Variants in FCF1 observed in about 807,000 individuals in gnomAD.
FCF1 encodes FCF1 rRNA-processing protein.
In FCF1, 17 loss-of-function variants were observed where a neutral mutation model predicts 32.5. The observed-to-expected ratio is 0.52, with a 90% CI of 0.36 to 0.78. The LOEUF (loss-of-function observed/expected upper bound fraction) is 0.78, where lower values mean the gene tolerates loss of function less well. FCF1 is among the 30% of genes least tolerant of loss of function. FCF1 has a pLI of 0.00. For missense variants in FCF1, 201 were observed against 241.1 expected, an observed-to-expected ratio of 0.83 and a Z score of 1.10; for synonymous variants, 84 against 78.4, an observed-to-expected ratio of 1.07 and a Z score of -0.38.
chr14:74,722,214 A>AT (rs1233100377), intron 4 of FCF1, among the ~76,000 whole-genome samples: 2 of 151,420 alleles, frequency 1.3e-5, no homozygotes, highest in African/African-American at 2.4e-5. Context: ...ATGCCCAGCT[A>AT]TTTTTTTTAT....
intron 5 of FCF1, among the ~76,000 whole-genome samples, chr14:74,729,580 G>C (rs942145066): frequency 6.6e-6 from 1 of 151,978 alleles, no homozygotes; most frequent in African/African-American, 2.4e-5. Flanking sequence ...TTTTTTGAAG[G>C]GTTTTTTGTG....
intron 6 of FCF1, among the ~76,000 whole-genome samples, chr14:74,733,280 A>G (rs1405379693): frequency 1.3e-5 from 2 of 152,168 alleles, no homozygotes; most frequent in African/African-American, 4.8e-5. Context: ...CCCTAGAATA[A>G]GTAGGTTTTT....
At chr14:74,732,581 C>T in intron 5 of FCF1, 150 bp from the exon 6 acceptor site, 1 of 612,778 alleles carries the variant, frequency 1.6e-6, no homozygotes, top group Non-Finnish European at 2.9e-6. Flanking sequence ...TCATTCCCTG[C>T]CCCGTGAATT....
intron 2 of FCF1, 88 bp from the exon 3 acceptor site, chr14:74,714,784 A>G: frequency 6.7e-7 from 1 of 1,484,980 alleles, no homozygotes; most frequent in Non-Finnish European, 8.9e-7. Context: ...AGACCAAAAA[A>G]AAAAAAAAAT....
At position 74,725,687 on chromosome 14, in the gene FCF1, C is replaced by A. The variant is rs7152913; in HGVS notation, c.365+2343C>A. On this transcript the variant is annotated intron_variant, in intron 5 of 7. Transcript: ENST00000341162. ...CAGTGGCTCACGCCTGTAATCCCAG[C>A]ACTTTGGGAGGCCGAGGCGGGTGGA... 6.7e-3 allele frequency among the ~76,000 whole-genome samples: 1,016 copies of A among 151,786 alleles called. 15 individuals carry two copies. The highest frequency in any genetic ancestry group is 0.024 in the African/African-American group (977 of 41,364).
In FCF1 at chr14:74,734,091, G is replaced by T; in HGVS notation, c.469G>T (p.Val157Leu). ...TCTCTTACAGCATAAGTGTTACATT[G>T]TGGCCACAGTTGACCGGGACCTGAA... The part of the protein sequence containing the change: ...QRVTQHKCYI[V>L]ATVDRDLKRR... The change falls in exon 7 of 8, where the codon GTG becomes TTG. Residue 157 changes from valine to leucine, a missense_variant. This residue lies in a region of FCF1 where 121 missense variants were observed against 147.8 expected (regional missense o/e 0.82). Coordinates refer to ENST00000341162, the MANE Select transcript of FCF1 (RefSeq NM_015962.5). 2 of 1,613,144 alleles carry T rather than the reference G, an allele frequency of 1.2e-6. No individual in the cohort carries two copies. The highest frequency in any genetic ancestry group is 1.7e-6 in the Non-Finnish European group (2 of 1,179,198).
At chr14:74,713,400 G>A (rs2090360569) in intron 1 of FCF1, 85 bp from the exon 2 acceptor site, 1 of 1,533,946 alleles carries the variant, frequency 6.5e-7, no homozygotes, top group African/African-American at 1.4e-5. Flanking sequence ...GGCAAGAAGG[G>A]AAGGCAATAG....
chr14:74,718,842 C>A (rs1047679176), intron 4 of FCF1, among the ~76,000 whole-genome samples: 1 of 151,938 alleles, frequency 6.6e-6, no homozygotes, highest in Non-Finnish European at 1.5e-5. Context: ...CATAACGAGA[C>A]CCCATGTCTA....
At chr14:74,713,249 TGGA>T in intron 1 of FCF1, 49 bp downstream of exon 1, 1 of 1,614,152 alleles carries the variant, frequency 6.2e-7, no homozygotes, top group Non-Finnish European at 8.5e-7. Context: ...ACTTTTTGGG[TGGA>T]GAAGGAGGTA....
rs1262919200 is a variant in FCF1, at chr14:74,734,946, G to A, written c.*16G>A. On this transcript the variant is annotated 3_prime_UTR_variant, in exon 8 of 8. Coordinates refer to ENST00000341162, the MANE Select transcript of FCF1 (RefSeq NM_015962.5). ...TCGATTCTAATTCTTACAAGACACA[G>A]TTCCTCTGCCTTTCTTCGACCAACT... The A allele has an allele frequency of 3.1e-6, 5 of 1,609,950 alleles. No individual in the cohort carries two copies. The Admixed American group carries it at 5.0e-5, about 16-fold the overall frequency.
intron 5 of FCF1, among the ~76,000 whole-genome samples, chr14:74,730,542 C>T (rs758505178): frequency 6.6e-6 from 1 of 152,160 alleles, no homozygotes; most frequent in Non-Finnish European, 1.5e-5. Flanking sequence ...GGTGAAACCT[C>T]ATCTCTGCTA....
At chr14:74,720,133 TAAAAA>T (rs1035408339) in intron 4 of FCF1, among the ~76,000 whole-genome samples, 1 of 151,984 alleles carries the variant, frequency 6.6e-6, no homozygotes, top group African/African-American at 2.4e-5. Flanking sequence ...CTCAAAAAAA[TAAAAA>T]AAGAAAATGG....
chr14:74,726,494 T>G (rs991535871), intron 5 of FCF1, among the ~76,000 whole-genome samples: 1 of 151,622 alleles, frequency 6.6e-6, no homozygotes, highest in Non-Finnish European at 1.5e-5. Flanking sequence ...AGAACAATGC[T>G]GAGCACTGTT....
chr14:74,721,933 A>C (rs2090509456), intron 4 of FCF1, among the ~76,000 whole-genome samples: 3 of 152,142 alleles, frequency 2.0e-5, no homozygotes, highest in South Asian at 2.1e-4. Flanking sequence ...TTATGTATCA[A>C]GGGATTTGTG....
chr14:74,730,867 C>T (rs890637452), intron 5 of FCF1, among the ~76,000 whole-genome samples: 3 of 152,106 alleles, frequency 2.0e-5, no homozygotes, highest in African/African-American at 7.2e-5. Context: ...GGCATGGTGG[C>T]GCATGCCTGT....
In FCF1 at chr14:74,723,355, G is replaced by A. The variant is rs2090531632; in HGVS notation, c.365+11G>A. The A allele has an allele frequency of 1.3e-6, 2 of 1,596,458 alleles. No homozygotes were observed. The highest frequency in any genetic ancestry group is 1.3e-5 in the African/African-American group (1 of 74,602). The stretch of plus-strand genomic sequence containing the variant: ...TCGAGTGGCTCTAAGGTAGGAAGGA[G>A]GTAAACTAGATCTGTTCTAGATTGG... On this transcript the variant is annotated intron_variant, in intron 5 of 7. Coordinates refer to ENST00000341162, the MANE Select transcript of FCF1 (RefSeq NM_015962.5).
intron 5 of FCF1, among the ~76,000 whole-genome samples, chr14:74,728,139 A>G (rs2090595986): frequency 6.6e-6 from 1 of 152,194 alleles, no homozygotes; most frequent in African/African-American, 2.4e-5. Context: ...AATTATGTGA[A>G]GAAAGTCATT....
At chr14:74,724,620 A>G (rs989342428) in intron 5 of FCF1, among the ~76,000 whole-genome samples, 4 of 152,204 alleles carry the variant, frequency 2.6e-5, no homozygotes, top group East Asian at 1.9e-4. Context: ...AGAAGAAACT[A>G]TAGGCTGGGC....
chr14:74,722,236 A>T (rs2090514052), intron 4 of FCF1, among the ~76,000 whole-genome samples: 2 of 151,236 alleles, frequency 1.3e-5, no homozygotes, highest in Non-Finnish European at 2.9e-5. Context: ...TTTAGTAGAG[A>T]CGGGTTTCAC....
Sources: gnomAD v4.1 joint callset for allele counts (sites outside exome capture counted in the v4.1 genomes callset) on GRCh38, gnomAD v4.1.1 for gene constraint, gnomAD v4.1.1 regional missense constraint, MANE v1.5 for transcripts, NCBI Gene and HGNC (gene_info 2026-07-23, HGNC 2026-07-21) for gene names.